The following ABCC12 variants were observed in gnomAD, a reference collection of about 807,000 sequenced individuals.
The protein encoded by ABCC12 is ATP-binding cassette sub-family C member 12.
Under a neutral mutation model 151.1 loss-of-function variants are expected in ABCC12, and 142 were observed. That is an observed-to-expected ratio of 0.94 (90% confidence interval 0.82 to 1.08). The LOEUF is 1.08. Ranked by LOEUF, ABCC12 falls within the 50% of genes least tolerant of loss-of-function variation. The pLI, the probability that ABCC12 is intolerant of heterozygous loss-of-function variation, is 0.00. For synonymous variants in ABCC12, 645 were observed against 646.4 expected (o/e 1.00, Z 0.03); for missense variants, 1,638 against 1,691.1 (o/e 0.97, Z 0.55).
At chr16:48,085,997 G>A (rs796322720) in intron 28 of ABCC12, among the ~76,000 whole-genome samples, 2 of 152,116 alleles carry the variant, frequency 1.3e-5, no homozygotes, top group South Asian at 2.1e-4. Context: ...ACAAACAAGT[G>A]GAAACAGCTT....
intron 1 of ABCC12, among the ~76,000 whole-genome samples, chr16:48,155,452 T>G (rs76865297): frequency 0.12 from 17,904 of 151,650 alleles, 1,316 homozygotes; most frequent in African/African-American, 0.21. Flanking sequence ...TCTTTTTTTT[T>G]GGGGGGGAGG....
chr16:48,101,237 G>C (rs935670843), intron 22 of ABCC12, among the ~76,000 whole-genome samples: 13 of 152,142 alleles, frequency 8.5e-5, no homozygotes, highest in Admixed American at 5.9e-4. Context: ...GTTTGGCCAC[G>C]GTGCTGTGTT....
chr16:48,139,233 T>C lies in ABCC12; in HGVS notation c.761A>G (p.Tyr254Cys), dbSNP rs753089778. 3.1e-6 allele frequency: 5 copies of C among 1,614,076 alleles called. No homozygotes were observed. Among genetic ancestry groups the C allele is most frequent in the Non-Finnish European group, 4.2e-6 (5 of 1,179,998 alleles). Residue 254 changes from tyrosine to cysteine, a missense_variant, in exon 7 of 31, where the codon TAC becomes TGC. Transcript: ENST00000311303. Reference protein sequence around the residue: ...IPILMVFCAAYAFFILGPTAL... With the variant: ...IPILMVFCAACAFFILGPTAL... ...TGTGGGCCCCAGAATGAAAAAGGCGTACGCCGCACAAAAGACCATTAGGAT... is the reference window on the plus strand; with the variant it reads ...TGTGGGCCCCAGAATGAAAAAGGCGCACGCCGCACAAAAGACCATTAGGAT...
rs1189828893 is a variant in ABCC12 at position 48,084,044 on chromosome 16, A to G, written c.3858T>C (p.Ser1286=). The G allele has an allele frequency of 1.2e-6, 2 of 1,611,392 alleles. No homozygotes were observed. Among genetic ancestry groups the G allele is most frequent in the Admixed American group, 3.4e-5 (2 of 59,376 alleles). ...KIILLDEATA[S]MDSKTDTLVQ... The stretch of plus-strand genomic sequence containing the variant: ...CCAGGGTGTCAGTCTTGGAGTCCAT[A>G]GAGGCGGTGGCTTCATCAAGGAGAA... Residue 1286 remains serine, a synonymous_variant, in exon 30 of 31, where the codon TCT becomes TCC. Coordinates refer to ENST00000311303, the MANE Select transcript of ABCC12 (RefSeq NM_001393797.1).
chr16:48,095,231 G>T (rs1407650357), intron 24 of ABCC12, among the ~76,000 whole-genome samples: 1 of 152,178 alleles, frequency 6.6e-6, no homozygotes, highest in Non-Finnish European at 1.5e-5. Context: ...TCTCACGAGA[G>T]CTGATGATTT....
At position 48,146,493 on chromosome 16, in the gene ABCC12, A is replaced by G. The variant is rs1965008802; in HGVS notation, c.-50-19T>C. 3.1e-6 allele frequency: 4 copies of G among 1,285,542 alleles called. No individual in the cohort carries two copies. Among genetic ancestry groups the G allele is most frequent in the Non-Finnish European group, 4.5e-6 (4 of 886,472 alleles). The allele number at this position is 1,285,542 out of a possible 1,614,324, so 79.6% of individuals were successfully genotyped here. A position where few individuals can be genotyped will look rare whatever the true frequency, so the allele number is the denominator to read the frequency against. The stretch of plus-strand genomic sequence containing the variant: ...TTTCACTCTATGGCAGAGAAATGGC[A>G]AAGGTTATTGAGAGGTGAGGATGTC... On this transcript the variant is annotated intron_variant, in intron 2 of 30. Transcript: ENST00000311303.
chr16:48,116,638 G>A (rs1197917343), intron 14 of ABCC12, among the ~76,000 whole-genome samples: 1 of 152,126 alleles, frequency 6.6e-6, no homozygotes, highest in Non-Finnish European at 1.5e-5. Context: ...CACTTCCTTG[G>A]GGATGCAGAC....
intron 4 of ABCC12, 64 bp from the exon 5 acceptor site, chr16:48,141,417 T>C (rs538475065): frequency 4.8e-5 from 76 of 1,589,020 alleles, no homozygotes; most frequent in Non-Finnish European, 6.4e-5. Context: ...GAAGCTACGC[T>C]GTTGGGCATG....
rs1962695128 is a variant in ABCC12 at position 48,087,971 on chromosome 16, A to G, written c.3590T>C (p.Leu1197Pro). The G allele has an allele frequency of 6.2e-7, 1 of 1,614,116 alleles. No homozygotes were observed. The highest frequency in any genetic ancestry group is 8.5e-7 in the Non-Finnish European group (1 of 1,180,042). The stretch of plus-strand genomic sequence containing the variant: ...GACAGGATCCTGTGGGATCACAGTC[A>G]GCTTGGTTCTGAGGTCTTCCAAGCT... The part of the protein sequence containing the change: ...ILSLEDLRTK[L>P]TVIPQDPVLF... Residue 1197 changes from leucine (L) to proline (P), a missense_variant, in exon 27 of 31, where the codon CTG becomes CCG. By Grantham distance (98) the Leu-to-Pro change is moderately conservative. Coordinates refer to ENST00000311303, the MANE Select transcript of ABCC12 (RefSeq NM_001393797.1).
intron 14 of ABCC12, 128 bp downstream of exon 14, chr16:48,117,133 C>T: frequency 7.2e-6 from 6 of 832,982 alleles, no homozygotes; most frequent in Non-Finnish European, 1.1e-5. Flanking sequence ...TGGGTGGAAC[C>T]TGAGCTTTGC....
At chr16:48,139,839 G>C (rs1964743678) in intron 6 of ABCC12, among the ~76,000 whole-genome samples, 1 of 152,174 alleles carries the variant, frequency 6.6e-6, no homozygotes, top group Admixed American at 6.5e-5. Context: ...CCCTTCTTCT[G>C]TTCCTCTTTC....
intron 25 of ABCC12, among the ~76,000 whole-genome samples, chr16:48,090,655 C>A (rs79151091): frequency 6.6e-6 from 1 of 152,226 alleles, no homozygotes; most frequent in East Asian, 1.9e-4. Context: ...ACAACAAGAA[C>A]TTCAGAATGT....
intron 22 of ABCC12, among the ~76,000 whole-genome samples, chr16:48,103,680 G>T (rs148508571): frequency 6.6e-6 from 1 of 152,120 alleles, no homozygotes; most frequent in Non-Finnish European, 1.5e-5. Flanking sequence ...GCAGGGAGCC[G>T]GGCAGGTCTC....
At chr16:48,104,533 G>A (rs1374215755) in intron 21 of ABCC12, among the ~76,000 whole-genome samples, 165 bp from the exon 22 acceptor site, 4 of 152,156 alleles carry the variant, frequency 2.6e-5, no homozygotes, top group East Asian at 1.9e-4. Context: ...CCATTCTTGC[G>A]GCCACCGTGA....
rs771802634 is a variant in ABCC12 at position 48,128,677 on chromosome 16, C to G, written c.1297G>C (p.Val433Leu). ...YITQPEDPDT[V>L]LLLANATLTW... Reference sequence around the variant, plus strand: ...AAGGTGGCATTTGCTAAAAGCAAGACAGTATCTGGGTCTTCTGGTTGGGTG... The same window carrying G: ...AAGGTGGCATTTGCTAAAAGCAAGAGAGTATCTGGGTCTTCTGGTTGGGTG... Residue 433 changes from valine to leucine, a missense_variant, in exon 11 of 31, where the codon GTC becomes CTC. By Grantham distance (32) the Val-to-Leu change is conservative. Transcript: ENST00000311303. 5 of 1,614,056 alleles carry G rather than the reference C, an allele frequency of 3.1e-6. No individual in the cohort carries two copies. Among genetic ancestry groups the G allele is most frequent in the Non-Finnish European group, 4.2e-6 (5 of 1,180,046 alleles).
At chr16:48,130,704 G>C in intron 10 of ABCC12, 84 bp downstream of exon 10, 1 of 1,092,994 alleles carries the variant, frequency 9.1e-7, no homozygotes, top group Non-Finnish European at 1.4e-6. Flanking sequence ...CTCTCCAGCA[G>C]CTTGGTACAG....
chr16:48,131,293 G>A (rs1964416825), intron 9 of ABCC12, among the ~76,000 whole-genome samples: 1 of 152,182 alleles, frequency 6.6e-6, no homozygotes, highest in Non-Finnish European at 1.5e-5. Flanking sequence ...GTTCTTCAGA[G>A]GCATCTGACC....
rs1597320949 is a variant in ABCC12, at chr16:48,133,900, G to A, written c.980-65C>T. 1.9e-6 allele frequency: 3 copies of A among 1,585,824 alleles called. No individual in the cohort carries two copies. In the African/African-American group the frequency reaches 4.0e-5, roughly 21 times the overall value. On this transcript the variant is annotated intron_variant, in intron 8 of 30. Coordinates refer to ENST00000311303, the MANE Select transcript of ABCC12 (RefSeq NM_001393797.1). ...ATGTCGAACACTAGCATTATGAAAT[G>A]TATTAGCCCTACTTGGTCCTCTTCC...
Position 48,121,713 on chromosome 16 carries a change from T to A in ABCC12, c.1712+3A>T. Reference sequence around the variant, plus strand: ...TGCCTCCTGCTTTAAAAGTTAATATTACCTTTGGTGATCATACTTTTCTCC... The same window carrying A: ...TGCCTCCTGCTTTAAAAGTTAATATAACCTTTGGTGATCATACTTTTCTCC... On this transcript the variant is annotated splice_donor_region_variant and intron_variant, in intron 13 of 30. Coordinates refer to ENST00000311303, the MANE Select transcript of ABCC12 (RefSeq NM_001393797.1). 1 of 1,614,156 alleles carries A rather than the reference T, an allele frequency of 6.2e-7. No homozygotes were observed. Among genetic ancestry groups the A allele is most frequent in the Non-Finnish European group, 8.5e-7 (1 of 1,180,006 alleles).
Sources: gnomAD v4.1 joint callset for allele counts (sites outside exome capture counted in the v4.1 genomes callset) on GRCh38, gnomAD v4.1.1 for gene constraint, MANE v1.5 for transcripts, NCBI Gene and HGNC (gene_info 2026-07-23, HGNC 2026-07-21) for gene names.